The following FLCN variants were observed in gnomAD, a reference collection of about 807,000 sequenced individuals.
FLCN encodes BHD skin lesion fibrofolliculoma protein.
In FLCN, 22 loss-of-function variants were observed where a neutral mutation model predicts 62.5. That is an observed-to-expected ratio of 0.35 (90% CI 0.25 to 0.50). FLCN has a LOEUF of 0.50. Ranked by LOEUF, FLCN falls within the 20% of genes least tolerant of loss-of-function variation. FLCN has a pLI of 0.97. For missense variants in FLCN, 657 were observed against 778.0 expected, an observed-to-expected ratio of 0.84 and a Z score of 1.85; for synonymous variants, 319 against 310.0, an observed-to-expected ratio of 1.03 and a Z score of -0.30.
intron 2 of FLCN, among the ~76,000 whole-genome samples, 192 bp downstream of exon 2, chr17:17,232,596 G>C (rs1468341831): frequency 1.3e-5 from 2 of 152,146 alleles, no homozygotes; most frequent in African/African-American, 4.8e-5. Flanking sequence ...ACAGGAGATG[G>C]GGCGACCACT....
In FLCN at chr17:17,223,868, G is replaced by A. The variant is rs1472067447; in HGVS notation, c.618+54C>T. 1.1e-5 allele frequency: 18 copies of A among 1,580,532 alleles called. No individual in the cohort carries two copies. The South Asian group carries it at 1.3e-4, about 12-fold the overall frequency. Reference sequence around the variant, plus strand: ...CCAGGCCTCAACCTCAGCACAGAGCGGCTCATGCAGTGCAGGGCCCCCTGC... The same window carrying A: ...CCAGGCCTCAACCTCAGCACAGAGCAGCTCATGCAGTGCAGGGCCCCCTGC... On this transcript the variant is annotated intron_variant, in intron 6 of 13. Coordinates refer to ENST00000285071, the MANE Select transcript of FLCN (RefSeq NM_144997.7).
At chr17:17,214,951 C>G (rs1299557814) in intron 13 of FLCN, 34 bp downstream of exon 13, 1 of 1,603,918 alleles carries the variant, frequency 6.2e-7, no homozygotes, top group Non-Finnish European at 8.5e-7. Flanking sequence ...TCCAGGGTCG[C>G]AAGCAAAGGG....
chr17:17,215,389 G>A (rs2046887655), intron 11 of FLCN, 73 bp from the exon 12 acceptor site: 4 of 1,608,224 alleles, frequency 2.5e-6, no homozygotes, highest in African/African-American at 1.3e-5. Flanking sequence ...GCCCACCGTG[G>A]GCCCCACTCC....
intron 8 of FLCN, chr17:17,220,849 G>C (rs2047064261): frequency 4.8e-6 from 1 of 208,594 alleles, no homozygotes; most frequent in African/African-American, 2.4e-5. Flanking sequence ...CTTATTTGAG[G>C]GCACGCCTGC....
intron 13 of FLCN, 57 bp downstream of exon 13, chr17:17,214,928 G>A: frequency 1.9e-6 from 3 of 1,568,250 alleles, no homozygotes; most frequent in Non-Finnish European, 2.6e-6. Context: ...TTTGGAAACA[G>A]CTCCAGGTTT....
chr17:17,214,074 C>T (rs1011260028), intron 13 of FLCN, among the ~76,000 whole-genome samples: 1 of 152,184 alleles, frequency 6.6e-6, no homozygotes, highest in African/African-American at 2.4e-5. Context: ...GCTCGGCCCT[C>T]TGTCGGGTAT....
intron 1 of FLCN, among the ~76,000 whole-genome samples, chr17:17,234,590 T>C (rs1260491447): frequency 1.3e-5 from 2 of 149,142 alleles, no homozygotes; most frequent in Non-Finnish European, 3.0e-5. Flanking sequence ...AAGCCTGTAA[T>C]CCCAGCACTT....
chr17:17,221,365 A>G (rs1386014524), intron 8 of FLCN, 172 bp downstream of exon 8: 1 of 1,601,814 alleles, frequency 6.2e-7, no homozygotes, highest in Non-Finnish European at 8.5e-7. Context: ...AGGAAATCAC[A>G]ACAATCACAA....
intron 3 of FLCN, chr17:17,229,612 T>A (rs1470207267): frequency 6.6e-6 from 1 of 152,212 alleles, no homozygotes; most frequent in Admixed American, 6.5e-5. Flanking sequence ...TGAACATACT[T>A]CATGCCACGG....
intron 1 of FLCN, among the ~76,000 whole-genome samples, chr17:17,234,211 TTG>T (rs770818813): frequency 0.16 from 22,426 of 143,396 alleles, 2,084 homozygotes; most frequent in South Asian, 0.25. Flanking sequence ...TTGTTTTTTT[TTG>T]GTTTGTTTTT....
chr17:17,219,209 T>C lies in FLCN; in HGVS notation c.872A>G (p.Asp291Gly), dbSNP rs1201672985. The C allele has an allele frequency of 6.2e-7, 1 of 1,613,706 alleles. No homozygotes were observed. Among genetic ancestry groups the C allele is most frequent in the Non-Finnish European group, 8.5e-7 (1 of 1,180,026 alleles). ...CCAGCTTTCTGATTCCTCTTCTAAA[T>C]CTGCAAGACAGATGACAAGGACAGT... ...DTLVQMEKLA[D>G]LEEESESWDN... The change falls in exon 9 of 14, where the codon GAT (aspartate) becomes GGT (glycine). Residue 291 changes from aspartate (D) to glycine (G), a missense_variant and splice_region_variant. Coordinates refer to ENST00000285071, the MANE Select transcript of FLCN (RefSeq NM_144997.7).
intron 11 of FLCN, among the ~76,000 whole-genome samples, chr17:17,215,593 CTA>C (rs1199340389): frequency 6.6e-5 from 10 of 152,206 alleles, no homozygotes; most frequent in Non-Finnish European, 1.5e-4. Flanking sequence ...CTAAGCAGCC[CTA>C]TGAGGGTGGT....
chr17:17,225,432 G>T (rs2047218744), intron 5 of FLCN: 1 of 153,626 alleles, frequency 6.5e-6, no homozygotes, highest in African/African-American at 2.4e-5. Flanking sequence ...TTTTAAAAAG[G>T]TGGGGCACAG....
rs1201390662 is a variant in FLCN at position 17,220,464 on chromosome 17, T to G, written c.871+1073A>C. The G allele has an allele frequency of 2.3e-4, 35 of 152,262 alleles. 1 individual carries two copies. Among genetic ancestry groups the G allele is most frequent in the Admixed American group, 2.3e-3 (35 of 15,286 alleles). The allele number at this position is 152,262 out of a possible 1,614,324, so 9.4% of individuals were successfully genotyped here. A position where few individuals can be genotyped will look rare whatever the true frequency, so the allele number is the denominator to read the frequency against. ...TATTTGTCATTTCAACGAAACTTCATGGAGCCCTCACAAATGACAACATCT... is the reference window on the plus strand; with the variant it reads ...TATTTGTCATTTCAACGAAACTTCAGGGAGCCCTCACAAATGACAACATCT... On this transcript the variant is annotated intron_variant, in intron 8 of 13. Transcript: ENST00000285071.
rs967684437 is a variant in FLCN at position 17,228,065 on chromosome 17, G to C, written c.73C>G (p.Leu25Val). Residue 25 changes from leucine (L) to valine (V), a missense_variant, in exon 4 of 14, where the codon CTG becomes GTG. Leu to Val is a conservative substitution (Grantham distance 32). Coordinates refer to ENST00000285071, the MANE Select transcript of FLCN (RefSeq NM_144997.7). Reference sequence around the variant, plus strand: ...TCCCCTTGAGGAAGTGGGGCGTGCAGCACCTCCGTGCAGAAGAGAGTGCGG... The same window carrying C: ...TCCCCTTGAGGAAGTGGGGCGTGCACCACCTCCGTGCAGAAGAGAGTGCGG... ...GPRTLFCTEV[L>V]HAPLPQGDGN... The C allele has an allele frequency of 2.5e-6, 4 of 1,613,610 alleles. No individual in the cohort carries two copies. The Admixed American group carries it at 6.7e-5, about 27-fold the overall frequency.
intron 3 of FLCN, chr17:17,228,818 G>A (rs1645115729): frequency 1.3e-5 from 2 of 153,194 alleles, no homozygotes; most frequent in African/African-American, 4.8e-5. Context: ...AGACAGGGTG[G>A]AGGCTGTAGG....
rs1330807456 is a variant in FLCN at position 17,217,097 on chromosome 17, A to AGGT, written c.1145_1147dup (p.Asp382_Leu383insHis). The AGGT allele has an allele frequency of 6.2e-7, 1 of 1,613,822 alleles. No homozygotes were observed. The highest frequency in any genetic ancestry group is 2.2e-5 in the East Asian group (1 of 44,878). On this transcript the variant is annotated inframe_insertion, in exon 10 of 14. Coordinates refer to ENST00000285071, the MANE Select transcript of FLCN (RefSeq NM_144997.7). ...AAGTACTTCAAAAGCTGACTGGACG[A>AGGT]GGTCCACGTCTCTGCTTTTCCAGAT...
chr17:17,235,041 G>A (rs899533981), intron 1 of FLCN, among the ~76,000 whole-genome samples: 1 of 150,862 alleles, frequency 6.6e-6, no homozygotes, highest in Non-Finnish European at 1.5e-5. Flanking sequence ...GAACCCAGGA[G>A]GCACAGCTTG....
rs140500421 is a variant in FLCN at position 17,221,616 on chromosome 17, C to A, written c.792G>T (p.Ala264=). ...LHTSFAWLLK[A]CGSRLTEKLL... is the part of the protein sequence containing the mutation. ...GCTTCTCGGTCAGCCGGCTGCCACA[C>A]GCCTTCAGGAGCCTGGAGAACACAG... The change falls in exon 8 of 14, where the codon GCG becomes GCT. Residue 264 remains alanine (A), a synonymous_variant. Coordinates refer to ENST00000285071, the MANE Select transcript of FLCN (RefSeq NM_144997.7). The A allele has an allele frequency of 1.9e-6, 3 of 1,608,540 alleles. No individual in the cohort carries two copies. Among genetic ancestry groups the A allele is most frequent in the Non-Finnish European group, 8.5e-7 (1 of 1,179,956 alleles).
Sources: allele counts gnomAD v4.1 joint callset (sites outside exome capture counted in the v4.1 genomes callset), GRCh38; gene constraint gnomAD v4.1.1; transcripts MANE v1.5; gene names NCBI Gene and HGNC (gene_info 2026-07-23, HGNC 2026-07-21).